TNIK: variants seen among roughly 807,000 people sequenced by gnomAD.
TNIK encodes TRAF2 and NCK-interacting protein kinase.
Under a neutral mutation model 191.3 loss-of-function variants are expected in TNIK, and 49 were observed. The ratio of observed to expected loss-of-function variants is 0.26; its 90% confidence interval spans 0.20 to 0.32. The LOEUF (loss-of-function observed/expected upper bound fraction) is 0.32. TNIK is among the 10% of genes least tolerant of loss of function. The probability of loss-of-function intolerance (pLI) is 1.00; values close to 1 mark genes in which losing one functional copy is unlikely to be tolerated. For synonymous variants in TNIK, 594 were observed against 600.9 expected (o/e 0.99, Z 0.17); for missense variants, 1,155 against 1,702.3 (o/e 0.68, Z 5.66).
chr3:171,405,964 C>T (rs950492545), intron 1 of TNIK, among the ~76,000 whole-genome samples: 21 of 152,092 alleles, frequency 1.4e-4, no homozygotes. Flanking sequence ...GAAGAATCAA[C>T]CTCTACAGAG....
chr3:171,353,499 T>C (rs1287657596), intron 2 of TNIK, among the ~76,000 whole-genome samples: 2 of 152,230 alleles, frequency 1.3e-5, no homozygotes, highest in African/African-American at 4.8e-5. Context: ...CGGGATTACA[T>C]ACTATTGCTA....
intron 2 of TNIK, among the ~76,000 whole-genome samples, chr3:171,315,427 A>G (rs1754496338): frequency 6.6e-6 from 1 of 152,144 alleles, no homozygotes; most frequent in African/African-American, 2.4e-5. Flanking sequence ...AAATTCAATC[A>G]TTGACCCACA....
At position 171,282,341 on chromosome 3, in the gene TNIK, G is replaced by GTTTTTTTTTTTTGTT. The variant is rs1750545581; in HGVS notation, c.124-54121_124-54120insAACAAAAAAAAAAAA. ...CTGCAGATTCTCTTAATGGTTTTTT[G>GTTTTTTTTTTTTGTT]TTTTTTTTTTTTTTTTTGAGATGGA... On this transcript the variant is annotated intron_variant, in intron 2 of 32. Transcript: ENST00000436636. 2.5e-5 allele frequency among the ~76,000 whole-genome samples: 2 copies of GTTTTTTTTTTTTGTT among 79,950 alleles called. 1 individual carries two copies. Among genetic ancestry groups the GTTTTTTTTTTTTGTT allele is most frequent in the Admixed American group, 2.7e-4 (2 of 7,352 alleles). The allele number at this position is 79,950 out of a possible 152,430, so 52.5% of individuals were successfully genotyped here. A position where few individuals can be genotyped will look rare whatever the true frequency, so the allele number is the denominator to read the frequency against.
intron 3 of TNIK, among the ~76,000 whole-genome samples, chr3:171,213,640 T>C (rs996902727): frequency 1.3e-5 from 2 of 152,138 alleles, no homozygotes; most frequent in Non-Finnish European, 2.9e-5. Flanking sequence ...TAAATAGTAC[T>C]GGAGGTCAGA....
chr3:171,184,391 G>C (rs1024285834), intron 7 of TNIK, among the ~76,000 whole-genome samples: 1 of 152,178 alleles, frequency 6.6e-6, no homozygotes, highest in Admixed American at 6.5e-5. Context: ...TGTGACCAAA[G>C]GGAAAATATT....
chr3:171,380,141 C>T (rs895378733), intron 1 of TNIK, among the ~76,000 whole-genome samples: 2 of 152,122 alleles, frequency 1.3e-5, no homozygotes, highest in African/African-American at 2.4e-5. Context: ...CTCCCATCAT[C>T]AGGTTGTTGC....
chr3:171,119,386 T>C (rs1372958092), intron 18 of TNIK, among the ~76,000 whole-genome samples: 2 of 152,228 alleles, frequency 1.3e-5, no homozygotes, highest in Non-Finnish European at 2.9e-5. Context: ...AGTGTGGCGA[T>C]TCCTCAGGGA....
chr3:171,423,585 C>T (rs1157201683), intron 1 of TNIK, among the ~76,000 whole-genome samples: 2 of 152,168 alleles, frequency 1.3e-5, no homozygotes, highest in Non-Finnish European at 2.9e-5. Flanking sequence ...TCAAACTATA[C>T]TATAAGGCTA....
rs531223896 is a variant in TNIK, at chr3:171,281,741, G to A, written c.124-53520C>T. ...AAGTCACACAGTCCCAACCCTGAAG[G>A]TCAACGAGGATAGTGTTTGCTACCC... is the stretch of plus-strand genomic sequence containing the variant. On this transcript the variant is annotated intron_variant, in intron 2 of 32. Coordinates refer to ENST00000436636, the MANE Select transcript of TNIK (RefSeq NM_015028.4). 9.9e-5 allele frequency among the ~76,000 whole-genome samples: 15 copies of A among 152,244 alleles called. No individual in the cohort carries two copies. The South Asian group carries it at 2.9e-3, about 29-fold the overall frequency.
intron 12 of TNIK, among the ~76,000 whole-genome samples, chr3:171,154,531 A>G (rs1474193507): frequency 2.6e-5 from 4 of 152,194 alleles, no homozygotes; most frequent in African/African-American, 7.2e-5. Flanking sequence ...ACATATATAA[A>G]TCACTAATAT....
chr3:171,247,313 G>C (rs1230005549), intron 2 of TNIK, among the ~76,000 whole-genome samples: 1 of 152,210 alleles, frequency 6.6e-6, no homozygotes, highest in African/African-American at 2.4e-5. Context: ...ACAAAGGCTG[G>C]CAGTGAAAAG....
Position 171,460,244 on chromosome 3 carries a change from G to T in TNIK, c.-181C>A. The T allele has an allele frequency of 1.3e-6, 1 of 755,632 alleles. No homozygotes were observed. The highest frequency in any genetic ancestry group is 2.1e-6 in the Non-Finnish European group (1 of 468,552). The allele number at this position is 755,632 out of a possible 1,614,324, so 46.8% of individuals were successfully genotyped here. On this transcript the variant is annotated 5_prime_UTR_variant, in exon 1 of 33. Transcript: ENST00000436636. The surrounding 1 kb of genome is among the most constrained non-coding windows in gnomAD (Gnocchi z 6.8). ...ATCCCGATCCTCCGCGCGTCGGTCC[G>T]CCGGGTCCGGGAGCCCAGCCTGCGC...
chr3:171,184,579 T>A (rs900872396), intron 7 of TNIK, among the ~76,000 whole-genome samples: 2 of 152,214 alleles, frequency 1.3e-5, no homozygotes, highest in Non-Finnish European at 2.9e-5. Flanking sequence ...ATCTTCCTTC[T>A]GATCGAATAG....
intron 1 of TNIK, among the ~76,000 whole-genome samples, chr3:171,419,201 C>T (rs1207262195): frequency 3.9e-5 from 6 of 152,122 alleles, no homozygotes; most frequent in Admixed American, 3.9e-4. Flanking sequence ...TAACATGTAA[C>T]AACGTGGACA....
chr3:171,175,410 G>T, intron 8 of TNIK, 80 bp from the exon 9 acceptor site: 1 of 1,231,612 alleles, frequency 8.1e-7, no homozygotes, highest in Non-Finnish European at 1.1e-6. Flanking sequence ...TGCAGATAAT[G>T]GCTGCCCAAT....
intron 1 of TNIK, among the ~76,000 whole-genome samples, chr3:171,451,718 C>T (rs1004479447): frequency 6.6e-6 from 1 of 152,192 alleles, no homozygotes; most frequent in Non-Finnish European, 1.5e-5. Flanking sequence ...TGCAGGCTCT[C>T]TTCTCCATCC....
chr3:171,111,021 A>G, intron 18 of TNIK, 144 bp from the exon 19 acceptor site: 1 of 805,782 alleles, frequency 1.2e-6, no homozygotes, highest in East Asian at 3.1e-5. Flanking sequence ...CCAATTAAAA[A>G]TGGGGAAAGG....
At chr3:171,195,380 C>T (rs900280562) in intron 4 of TNIK, among the ~76,000 whole-genome samples, 1 of 152,136 alleles carries the variant, frequency 6.6e-6, no homozygotes, top group African/African-American at 2.4e-5. Flanking sequence ...CAGACTTTTA[C>T]CTTCAAAAAT....
At chr3:171,140,616 AT>A in intron 12 of TNIK, 107 bp from the exon 13 acceptor site, 1 of 1,000,388 alleles carries the variant, frequency 1.0e-6, no homozygotes, top group Non-Finnish European at 1.6e-6. Context: ...TTTTAATGAG[AT>A]ATGCCTAAAT....
Sources: gnomAD v4.1 joint callset for allele counts (sites outside exome capture counted in the v4.1 genomes callset) on GRCh38, gnomAD v4.1.1 for gene constraint, Gnocchi (gnomAD v3.1) non-coding constraint, MANE v1.5 for transcripts, NCBI Gene and HGNC (gene_info 2026-07-23, HGNC 2026-07-21) for gene names.